STK32B: variants seen among roughly 807,000 people sequenced by gnomAD.
The protein encoded by STK32B is serine/threonine kinase 32B.
Under a neutral mutation model 52.6 loss-of-function variants are expected in STK32B, and 43 were observed. That is an observed-to-expected ratio of 0.82 (90% CI 0.64 to 1.05). The LOEUF (loss-of-function observed/expected upper bound fraction) is 1.05, where lower values mean the gene tolerates loss of function less well. STK32B is among the 50% of genes least tolerant of loss of function. STK32B has a pLI of 0.00. For synonymous variants in STK32B, 238 were observed against 204.3 expected, an observed-to-expected ratio of 1.17 and a Z score of -1.41; for missense variants, 621 against 534.6, an observed-to-expected ratio of 1.16 and a Z score of -1.59.
At chr4:5,321,892 T>C (rs1731517253) in intron 3 of STK32B, among the ~76,000 whole-genome samples, 1 of 151,844 alleles carries the variant, frequency 6.6e-6, no homozygotes, top group Admixed American at 6.6e-5. Flanking sequence ...CATTGGAAGC[T>C]AACCAGCGTC....
chr4:5,211,096 G>T (rs1448819312), intron 3 of STK32B, among the ~76,000 whole-genome samples: 4 of 152,084 alleles, frequency 2.6e-5, no homozygotes, highest in Non-Finnish European at 5.9e-5. Flanking sequence ...TGCCCTACCA[G>T]AAATACTTCT....
chr4:5,088,142 G>A (rs920940398), intron 1 of STK32B, among the ~76,000 whole-genome samples: 1 of 152,014 alleles, frequency 6.6e-6, no homozygotes, highest in Non-Finnish European at 1.5e-5. Context: ...TAAAAGGAAA[G>A]CTGGAAGATT....
intron 6 of STK32B, among the ~76,000 whole-genome samples, chr4:5,440,942 C>G (rs2109109031): frequency 6.6e-6 from 1 of 150,538 alleles, no homozygotes; most frequent in East Asian, 2.0e-4. Context: ...GCCTTGCATC[C>G]CAGGGATGAA....
chr4:5,428,196 A>G (rs573448958), intron 6 of STK32B, among the ~76,000 whole-genome samples: 6 of 152,216 alleles, frequency 3.9e-5, no homozygotes, highest in African/African-American at 9.6e-5. Context: ...TCACAAGGTC[A>G]GGAGATCAAG....
At chr4:5,242,925 C>G (rs913619908) in intron 3 of STK32B, among the ~76,000 whole-genome samples, 40 of 152,248 alleles carry the variant, frequency 2.6e-4, no homozygotes, top group African/African-American at 8.4e-4. Flanking sequence ...CTGTTGTGTT[C>G]CATTGATCTA....
chr4:5,331,444 G>A (rs764775909), intron 4 of STK32B, 51 bp downstream of exon 4: 18 of 1,564,796 alleles, frequency 1.2e-5, no homozygotes, highest in Non-Finnish European at 1.3e-5. Context: ...ATGGGCTAGG[G>A]TGTCAGGAGC....
At chr4:5,029,629 C>T in the STK32B span, among the ~76,000 whole-genome samples, 30 of 152,244 alleles carry the variant, frequency 2.0e-4, 1 homozygote, top group South Asian at 2.1e-4. Context: ...CGGTCCTCCC[C>T]GACGGCTCCT....
intron 3 of STK32B, among the ~76,000 whole-genome samples, chr4:5,192,995 C>A (rs989728357): frequency 6.6e-6 from 1 of 152,174 alleles, no homozygotes; most frequent in Non-Finnish European, 1.5e-5. Context: ...TTCCTCCTGT[C>A]GGCAATGGGG....
chr4:5,249,287 C>T (rs1457705162), intron 3 of STK32B, among the ~76,000 whole-genome samples: 3 of 151,980 alleles, frequency 2.0e-5, no homozygotes, highest in Admixed American at 2.0e-4. Flanking sequence ...ATATATAGAA[C>T]GGGGTTCAGA....
At position 5,085,031 on chromosome 4, in the gene STK32B, C is replaced by G. The variant is rs149586152; in HGVS notation, c.52+33116C>G. On this transcript the variant is annotated intron_variant, in intron 1 of 11. Transcript: ENST00000282908. ...TAACTGTGCTTTAACTCAGCATTTT[C>G]CAGAATGTACTCTGAGACACATTAA... 4.8e-3 allele frequency among the ~76,000 whole-genome samples: 735 copies of G among 152,258 alleles called. 9 individuals carry two copies. The highest frequency in any genetic ancestry group is 0.015 in the African/African-American group (607 of 41,546).
chr4:5,277,075 T>C (rs1727872279), intron 3 of STK32B, among the ~76,000 whole-genome samples: 2 of 152,246 alleles, frequency 1.3e-5, no homozygotes, highest in African/African-American at 4.8e-5. Context: ...CTCCAAATCC[T>C]TATGATACAT....
chr4:5,095,776 GTC>G lies in STK32B; in HGVS notation c.52+43865_52+43866del, dbSNP rs1275978390. ...TGACCCTTTGATTGTGTGATTAGAA[GTC>G]TCTGTGGCAGCATGGCCCACAATGA... On this transcript the variant is annotated intron_variant, in intron 1 of 11. Coordinates refer to ENST00000282908, the MANE Select transcript of STK32B (RefSeq NM_018401.3). Among the ~76,000 whole-genome samples the G allele has an allele frequency of 2.6e-5, 4 of 152,290 alleles. 1 individual carries two copies. The highest frequency in any genetic ancestry group is 9.6e-5 in the African/African-American group (4 of 41,560).
chr4:5,478,586 G>C (rs1718416189), intron 11 of STK32B, among the ~76,000 whole-genome samples: 1 of 152,204 alleles, frequency 6.6e-6, no homozygotes, highest in South Asian at 2.1e-4. Context: ...TTTTTACTTA[G>C]AAAAGAGAAA....
the STK32B span, among the ~76,000 whole-genome samples, chr4:5,040,023 G>A: frequency 6.6e-6 from 1 of 152,190 alleles, no homozygotes; most frequent in Admixed American, 6.5e-5. Context: ...ACTCCCTGGA[G>A]TGCCGTCCTC....
At chr4:5,162,055 A>G (rs977684348) in intron 2 of STK32B, among the ~76,000 whole-genome samples, 1 of 152,114 alleles carries the variant, frequency 6.6e-6, no homozygotes, top group African/African-American at 2.4e-5. Flanking sequence ...GCAGCTGCCC[A>G]GTAAGCAAGA....
chr4:5,156,804 C>A (rs1018989745), intron 2 of STK32B, among the ~76,000 whole-genome samples: 1 of 152,018 alleles, frequency 6.6e-6, no homozygotes, highest in Non-Finnish European at 1.5e-5. Flanking sequence ...CTCTTTATGC[C>A]CCTCAAAGGA....
chr4:5,094,480 T>C (rs953010865), intron 1 of STK32B, among the ~76,000 whole-genome samples: 4 of 152,152 alleles, frequency 2.6e-5, no homozygotes, highest in Middle Eastern at 3.4e-3. Context: ...TAGCCAGATA[T>C]TGTCTCTACA....
chr4:5,461,618 C>G lies in STK32B; in HGVS notation c.909+1390C>G, dbSNP rs541586301. Among the ~76,000 whole-genome samples the G allele has an allele frequency of 1.4e-4, 21 of 152,338 alleles. No individual in the cohort carries two copies. The South Asian group carries it at 4.4e-3, about 32-fold the overall frequency. On this transcript the variant is annotated intron_variant, in intron 9 of 11. Transcript: ENST00000282908. ...GTTCCCGTCCTCTCCCTGTGAGCAGCGTTGCATCCCCACCTGCTTAGCCAG... is the reference window on the plus strand; with the variant it reads ...GTTCCCGTCCTCTCCCTGTGAGCAGGGTTGCATCCCCACCTGCTTAGCCAG...
At chr4:5,474,420 T>C (rs184903065) in intron 11 of STK32B, among the ~76,000 whole-genome samples, 39 of 152,384 alleles carry the variant, frequency 2.6e-4, no homozygotes, top group Admixed American at 7.2e-4. Context: ...CAATGATTCT[T>C]TGACTTTACC....
Sources: gnomAD v4.1 joint callset for allele counts (sites outside exome capture counted in the v4.1 genomes callset) on GRCh38, gnomAD v4.1.1 for gene constraint, MANE v1.5 for transcripts, NCBI Gene and HGNC (gene_info 2026-07-23, HGNC 2026-07-21) for gene names.